The following ZNF385D variants were observed in gnomAD, a reference collection of about 807,000 sequenced individuals.
ZNF385D encodes zinc finger protein 659.
ZNF385D carries 15 observed loss-of-function variants against 35.8 expected under a neutral mutation model. The ratio of observed to expected loss-of-function variants is 0.42; its 90% confidence interval spans 0.28 to 0.64. The LOEUF (loss-of-function observed/expected upper bound fraction) is 0.64. ZNF385D is among the 30% of genes least tolerant of loss of function. The probability of loss-of-function intolerance (pLI) is 0.23; values close to 1 mark genes in which losing one functional copy is unlikely to be tolerated. For synonymous variants in ZNF385D, 212 were observed against 186.8 expected, an observed-to-expected ratio of 1.13 and a Z score of -1.10; for missense variants, 474 against 494.6, an observed-to-expected ratio of 0.96 and a Z score of 0.39.
At chr3:21,811,968 G>C (rs34242816) in intron 3 of ZNF385D, among the ~76,000 whole-genome samples, 43 of 152,128 alleles carry the variant, frequency 2.8e-4, no homozygotes, top group African/African-American at 9.9e-4. Flanking sequence ...AAATTCTAAA[G>C]AAAGTATATA....
intron 3 of ZNF385D, among the ~76,000 whole-genome samples, chr3:21,900,741 G>T (rs552917762): frequency 2.0e-5 from 3 of 152,222 alleles, no homozygotes; most frequent in Admixed American, 1.3e-4. Context: ...ACATACACAC[G>T]TTAAAAGAAA....
rs571127473 is a variant in ZNF385D, at chr3:22,097,474, T to C, written c.325+71343A>G. On this transcript the variant is annotated intron_variant, in intron 3 of 5. Transcript: ENST00000494108. ...AGTTGTTATTGGAAACTGGAAGAAA[T>C]TGAGAGAAAAGTTATCACTGACAGT... 2.1e-3 allele frequency among the ~76,000 whole-genome samples: 318 copies of C among 151,934 alleles called. 2 individuals carry two copies. Among genetic ancestry groups the C allele is most frequent in the African/African-American group, 6.8e-3 (283 of 41,464 alleles).
At chr3:22,342,465 G>A (rs552407391) in intron 2 of ZNF385D, among the ~76,000 whole-genome samples, 3 of 151,790 alleles carry the variant, frequency 2.0e-5, no homozygotes, top group Non-Finnish European at 4.4e-5. Flanking sequence ...TTTTCTCCCT[G>A]GATCTAGAAT....
At chr3:21,982,583 C>G (rs1261954710) in intron 3 of ZNF385D, among the ~76,000 whole-genome samples, 1 of 152,134 alleles carries the variant, frequency 6.6e-6, no homozygotes, top group Non-Finnish European at 1.5e-5. Flanking sequence ...ATTCCTTTCT[C>G]TTGCCTGTTT....
At chr3:22,193,879 G>T (rs1030573748) in intron 2 of ZNF385D, among the ~76,000 whole-genome samples, 1 of 151,862 alleles carries the variant, frequency 6.6e-6, no homozygotes, top group African/African-American at 2.4e-5. Context: ...GATTATAACC[G>T]CTTTTAGAAT....
Position 21,739,617 on chromosome 3 carries a change from G to T in ZNF385D, c.22+11278C>A, listed in dbSNP as rs147350449. ...AAAAAACATTAGTATTGATGTTCGG[G>T]GTAGGCAAAGTGTACAATGAAGAAT... On this transcript the variant is annotated intron_variant, in intron 1 of 7. Coordinates refer to ENST00000281523, the MANE Select transcript of ZNF385D (RefSeq NM_024697.3). 1.4e-3 allele frequency among the ~76,000 whole-genome samples: 209 copies of T among 152,218 alleles called. 1 individual carries two copies. The East Asian group carries it at 0.031, about 23-fold the overall frequency.
At chr3:22,148,138 A>G (rs1276662358) in intron 3 of ZNF385D, among the ~76,000 whole-genome samples, 3 of 152,156 alleles carry the variant, frequency 2.0e-5, no homozygotes, top group Non-Finnish European at 4.4e-5. Flanking sequence ...CCTCATATAG[A>G]ACCATATAAT....
intron 2 of ZNF385D, among the ~76,000 whole-genome samples, chr3:22,331,066 C>T (rs1694912971): frequency 6.6e-6 from 1 of 152,132 alleles, no homozygotes; most frequent in African/African-American, 2.4e-5. Flanking sequence ...TTTGTGTTTG[C>T]AGCAGGGAAT....
At chr3:22,309,810 T>A (rs1012527896) in intron 2 of ZNF385D, among the ~76,000 whole-genome samples, 1 of 151,956 alleles carries the variant, frequency 6.6e-6, no homozygotes, top group Non-Finnish European at 1.5e-5. Context: ...CAAAATTAAG[T>A]ATTTTCACAT....
chr3:21,783,805 C>T (rs2071583214), intron 3 of ZNF385D, among the ~76,000 whole-genome samples: 1 of 152,088 alleles, frequency 6.6e-6, no homozygotes, highest in Admixed American at 6.6e-5. Flanking sequence ...TTTCCCTTTA[C>T]AAATGTGGGG....
intron 3 of ZNF385D, among the ~76,000 whole-genome samples, chr3:21,976,069 C>T (rs555552544): frequency 8.5e-5 from 13 of 152,204 alleles, no homozygotes; most frequent in Non-Finnish European, 1.2e-4. Flanking sequence ...TTGAGGGATG[C>T]ACCATGTATA....
At chr3:21,480,695 G>A (rs946132655) in intron 4 of ZNF385D, among the ~76,000 whole-genome samples, 3 of 152,090 alleles carry the variant, frequency 2.0e-5, no homozygotes, top group East Asian at 1.9e-4. Context: ...ATTGACATTC[G>A]ATATTCACTT....
intron 2 of ZNF385D, among the ~76,000 whole-genome samples, chr3:22,357,968 A>C (rs1696232807): frequency 6.6e-6 from 1 of 151,936 alleles, no homozygotes; most frequent in African/African-American, 2.4e-5. Flanking sequence ...GCTATATTTT[A>C]AATGGTCTAT....
intron 2 of ZNF385D, among the ~76,000 whole-genome samples, chr3:22,344,707 C>T (rs1695579224): frequency 6.6e-6 from 1 of 152,242 alleles, no homozygotes; most frequent in Non-Finnish European, 1.5e-5. Context: ...CAGGCATGAG[C>T]CACTGCACCA....
intron 2 of ZNF385D, among the ~76,000 whole-genome samples, chr3:22,328,757 T>C (rs370944043): frequency 1.4e-5 from 2 of 148,138 alleles, no homozygotes; most frequent in Admixed American, 6.7e-5. Context: ...CAAGACTCCA[T>C]CGCCAAAAAA....
intron 2 of ZNF385D, among the ~76,000 whole-genome samples, chr3:21,659,968 A>G (rs530557112): frequency 1.3e-5 from 2 of 152,158 alleles, no homozygotes; most frequent in East Asian, 3.9e-4. Flanking sequence ...AAATCACATA[A>G]ATTTCACTTT....
intron 2 of ZNF385D, among the ~76,000 whole-genome samples, chr3:21,576,554 C>T (rs1042497552): frequency 2.6e-5 from 4 of 152,148 alleles, no homozygotes; most frequent in Non-Finnish European, 4.4e-5. Context: ...AATGGAAGTA[C>T]GTAATTGTTA....
chr3:22,236,042 A>G (rs929071781), intron 2 of ZNF385D, among the ~76,000 whole-genome samples: 1 of 152,154 alleles, frequency 6.6e-6, no homozygotes, highest in African/African-American at 2.4e-5. Context: ...TGATTGTAAC[A>G]GCAAGGAATT....
intron 3 of ZNF385D, among the ~76,000 whole-genome samples, chr3:22,117,281 T>C (rs1250891350): frequency 3.9e-5 from 6 of 152,076 alleles, no homozygotes; most frequent in African/African-American, 1.4e-4. Flanking sequence ...CAGAGCAATA[T>C]ACTTTGAGCA....
Sources: gnomAD v4.1 joint callset for allele counts (sites outside exome capture counted in the v4.1 genomes callset) on GRCh38, gnomAD v4.1.1 for gene constraint, MANE v1.5 for transcripts, NCBI Gene and HGNC (gene_info 2026-07-23, HGNC 2026-07-21) for gene names.